Variants in IQANK1 observed in about 807,000 individuals in gnomAD.
IQANK1 encodes IQ motif and ankyrin repeat containing 1.
A neutral mutation model predicts 22.6 loss-of-function variants in IQANK1; 30 were observed. That is an observed-to-expected ratio of 1.33 (90% CI 0.99 to 1.80). The LOEUF is 1.80. Ranked by LOEUF, IQANK1 falls within the 40% of genes most tolerant of loss-of-function variation. IQANK1 has a pLI of 0.00. For missense variants in IQANK1, 275 were observed against 235.2 expected (o/e 1.17, Z -1.11); for synonymous variants, 122 against 99.6 (o/e 1.23, Z -1.34).
chr8:143,777,537 A>AC lies in IQANK1; in HGVS notation c.789+5055_789+5056insC, dbSNP rs1285640473. Among the ~76,000 whole-genome samples, 257 of 150,494 alleles carry AC rather than the reference A, an allele frequency of 1.7e-3. 1 individual carries two copies. The highest frequency in any genetic ancestry group is 6.1e-3 in the African/African-American group (247 of 40,814). On this transcript the variant is annotated intron_variant, in intron 7 of 13. Coordinates refer to ENST00000527139, the MANE Select transcript of IQANK1 (RefSeq NM_001381874.1). ...CTCCGTCTTAAAAAAAAAAAAAAAA[A>AC]AACAAACCACTAAAAAAAAATCCCA...
chr8:143,739,752 C>T (rs2129765786), intron 2 of IQANK1, 107 bp from the exon 3 acceptor site: 2 of 578,558 alleles, frequency 3.5e-6, no homozygotes, highest in East Asian at 6.2e-5. Flanking sequence ...GGGGGGCTCC[C>T]TGTCTGCCAG....
intron 3 of IQANK1, among the ~76,000 whole-genome samples, chr8:143,750,866 C>T (rs1433833270): frequency 1.3e-5 from 2 of 151,954 alleles, no homozygotes; most frequent in Admixed American, 1.3e-4. Flanking sequence ...AAAGGACCTA[C>T]GTCTGTCATT....
chr8:143,779,573 TTCATTCA>T (rs1433384476), intron 7 of IQANK1, among the ~76,000 whole-genome samples: 1 of 65,118 alleles, frequency 1.5e-5, no homozygotes, highest in Admixed American at 2.0e-4. Flanking sequence ...AATTTACTCA[TTCATTCA>T]TCATTTATTG....
intron 2 of IQANK1, among the ~76,000 whole-genome samples, chr8:143,738,013 G>T (rs1273169585): frequency 6.6e-6 from 1 of 152,200 alleles, no homozygotes; most frequent in African/African-American, 2.4e-5. Context: ...CCGGTCTCGA[G>T]GCTGCCTGTG....
rs566231002 is a variant in IQANK1 at position 143,771,913 on chromosome 8, T to C, written c.419T>C (p.Leu140Pro). ...REELQRRRRL[L>P]DAAFDGDVGE... Reference sequence around the variant, plus strand: ...GAGCTGCAGCGTCGCCGCCGCCTGCTGGACGCCGCCTTCGACGGGGACGTG... The same window carrying C: ...GAGCTGCAGCGTCGCCGCCGCCTGCCGGACGCCGCCTTCGACGGGGACGTG... The change falls in exon 5 of 14, where the codon CTG becomes CCG. Residue 140 changes from leucine (L) to proline (P), a missense_variant. Coordinates refer to ENST00000527139, the MANE Select transcript of IQANK1 (RefSeq NM_001381874.1). The surrounding 1 kb of genome is among the most constrained non-coding windows in gnomAD (Gnocchi z 6.0). The C allele has an allele frequency of 5.1e-4, 197 of 386,612 alleles. No individual in the cohort carries two copies. The highest frequency in any genetic ancestry group is 3.7e-3 in the African/African-American group (174 of 46,564). The allele number at this position is 386,612 out of a possible 1,614,324, so 23.9% of individuals were successfully genotyped here.
At chr8:143,766,100 G>A (rs1352651428) in intron 3 of IQANK1, among the ~76,000 whole-genome samples, 4 of 152,064 alleles carry the variant, frequency 2.6e-5, no homozygotes, top group African/African-American at 7.2e-5. Flanking sequence ...CTCTCTAGCC[G>A]GTGTGCGTGG....
intron 7 of IQANK1, among the ~76,000 whole-genome samples, chr8:143,779,777 G>A (rs1458452026): frequency 4.6e-5 from 7 of 152,306 alleles, no homozygotes; most frequent in Middle Eastern, 6.8e-3. Flanking sequence ...AGATTCATGA[G>A]ATAGTGAATG....
At position 143,735,859 on chromosome 8, in the gene IQANK1, C is replaced by T; in HGVS notation, c.6C>T (p.Asp2=). M[D]SKKGRPKAAA... The stretch of plus-strand genomic sequence containing the variant: ...CCTACCCACCCCCCAGGAGAATGGA[C>T]AGTAAGAAGGGGAGACCCAAAGCTG... The change falls in exon 2 of 14, where the codon GAC becomes GAT. Residue 2 remains aspartate, a synonymous_variant. Coordinates refer to ENST00000527139, the MANE Select transcript of IQANK1 (RefSeq NM_001381874.1). This position sits in a 1 kb window ranked among gnomAD's most constrained non-coding sequence, Gnocchi z 5.2. 1.4e-6 allele frequency: 1 copy of T among 702,676 alleles called. No homozygotes were observed. The highest frequency in any genetic ancestry group is 2.3e-4 in the Middle Eastern group (1 of 4,368). The allele number at this position is 702,676 out of a possible 1,614,324, so 43.5% of individuals were successfully genotyped here. A position where few individuals can be genotyped will look rare whatever the true frequency, so the allele number is the denominator to read the frequency against.
chr8:143,749,909 T>G (rs1819154607), intron 3 of IQANK1, among the ~76,000 whole-genome samples: 1 of 151,938 alleles, frequency 6.6e-6, no homozygotes, highest in South Asian at 2.1e-4. Context: ...TACATATTTA[T>G]AGTTATTATA....
At chr8:143,765,423 CTATCTTTACATTTTGCAAAATTACTGGA>C (rs1358602671) in intron 3 of IQANK1, among the ~76,000 whole-genome samples, 1 of 151,994 alleles carries the variant, frequency 6.6e-6, no homozygotes, top group East Asian at 1.9e-4. Flanking sequence ...CTGAGAATGT[CTATCTTTACATTTTGCAAAATTACTGGA>C]TATAAAATGA....
At chr8:143,778,855 G>A (rs138544142) in intron 7 of IQANK1, among the ~76,000 whole-genome samples, 1 of 152,186 alleles carries the variant, frequency 6.6e-6, no homozygotes, top group Non-Finnish European at 1.5e-5. Flanking sequence ...TCTGCCTCCC[G>A]GGTTTATGCG....
chr8:143,776,327 C>CAAAAAAAAAAAAAAA (rs57571355), intron 7 of IQANK1, among the ~76,000 whole-genome samples: 3 of 105,778 alleles, frequency 2.8e-5, no homozygotes, highest in Non-Finnish European at 3.6e-5. Flanking sequence ...GACTCCGTCT[C>CAAAAAAAAAAAAAAA]AAAAAAAAAA....
At chr8:143,742,704 G>C in intron 3 of IQANK1, 1 of 455,960 alleles carries the variant, frequency 2.2e-6, no homozygotes, top group South Asian at 1.5e-5. Flanking sequence ...AAGCTCCAAA[G>C]GGGGGCCTGC....
Position 143,735,569 on chromosome 8 carries a change from C to T in IQANK1, c.-4-281C>T, listed in dbSNP as rs540298597. ...AGTGCTAGACTCCAGATCCTGCGCC[C>T]GGCAGGATGGGCTGAGCCTGGGGCG... On this transcript the variant is annotated intron_variant, in intron 1 of 13. Transcript: ENST00000527139. The surrounding 1 kb of genome is among the most constrained non-coding windows in gnomAD (Gnocchi z 5.2). Among the ~76,000 whole-genome samples, 147 of 152,184 alleles carry T rather than the reference C, an allele frequency of 9.7e-4. 1 individual carries two copies. The Middle Eastern group carries it at 0.017, about 18-fold the overall frequency.
At chr8:143,748,805 A>ATAATATAAATATATAAATATATATT (rs1563770424) in intron 3 of IQANK1, among the ~76,000 whole-genome samples, 1 of 83,770 alleles carries the variant, frequency 1.2e-5, no homozygotes. Flanking sequence ...ATAAATATAT[A>ATAATATAAATATATAAATATATATT]TCATATAAAT....
chr8:143,776,155 A>G (rs868923887), intron 7 of IQANK1, among the ~76,000 whole-genome samples: 1 of 151,206 alleles, frequency 6.6e-6, no homozygotes, highest in African/African-American at 2.5e-5. Context: ...CCCCGTCTCC[A>G]CTAAAAATAC....
chr8:143,790,315 A>G, intron 13 of IQANK1, 35 bp from the exon 14 acceptor site: 1 of 1,230,128 alleles, frequency 8.1e-7, no homozygotes, highest in Non-Finnish European at 1.0e-6. Context: ...CCACCTCCCT[A>G]GCCCCACCCT....
At position 143,771,269 on chromosome 8, in the gene IQANK1, C is replaced by G. The variant is rs1819564830; in HGVS notation, c.176-219C>G. 6.6e-6 allele frequency among the ~76,000 whole-genome samples: 1 copy of G among 152,118 alleles called. No individual in the cohort carries two copies. The highest frequency in any genetic ancestry group is 2.4e-5 in the African/African-American group (1 of 41,434). On this transcript the variant is annotated intron_variant, in intron 3 of 13. Coordinates refer to ENST00000527139, the MANE Select transcript of IQANK1 (RefSeq NM_001381874.1). This position sits in a 1 kb window ranked among gnomAD's most constrained non-coding sequence, Gnocchi z 6.0. ...CGGCGGCGTGGGGCGGGGGAGGTTCCCGCAGACCTGGGTCCTCTCCGCGTC... is the reference window on the plus strand; with the variant it reads ...CGGCGGCGTGGGGCGGGGGAGGTTCGCGCAGACCTGGGTCCTCTCCGCGTC...
chr8:143,770,511 C>T (rs1219532724), intron 3 of IQANK1, among the ~76,000 whole-genome samples: 1 of 152,194 alleles, frequency 6.6e-6, no homozygotes, highest in African/African-American at 2.4e-5. Context: ...CCTGGGCCTG[C>T]AGGGTCTTCC....
Sources: allele counts gnomAD v4.1 joint callset (sites outside exome capture counted in the v4.1 genomes callset), GRCh38; gene constraint gnomAD v4.1.1; non-coding constraint Gnocchi (gnomAD v3.1); transcripts MANE v1.5; gene names NCBI Gene and HGNC (gene_info 2026-07-23, HGNC 2026-07-21).